The following NCOA1 variants were observed in gnomAD, a reference collection of about 807,000 sequenced individuals.
The protein encoded by NCOA1 is nuclear receptor coactivator 1.
In NCOA1, 35 loss-of-function variants were observed where a neutral mutation model predicts 150.9. That is an observed-to-expected ratio of 0.23 (90% CI 0.18 to 0.31). NCOA1 has a LOEUF of 0.31. NCOA1 is among the 10% of genes least tolerant of loss of function. NCOA1 has a pLI of 1.00. For missense variants in NCOA1, 1,491 were observed against 1,749.3 expected (o/e 0.85, Z 2.63); for synonymous variants, 590 against 630.0 (o/e 0.94, Z 0.95).
intron 6 of NCOA1, among the ~76,000 whole-genome samples, chr2:24,669,899 A>G (rs56045417): frequency 0.15 from 22,747 of 152,242 alleles, 2,061 homozygotes; most frequent in Non-Finnish European, 0.2. Flanking sequence ...GCACTTTGGG[A>G]GGCCAAGGTG....
At chr2:24,631,669 G>A (rs1464165839) in intron 3 of NCOA1, among the ~76,000 whole-genome samples, 3 of 152,148 alleles carry the variant, frequency 2.0e-5, no homozygotes, top group Non-Finnish European at 4.4e-5. Flanking sequence ...ATATCATAAG[G>A]CAATATTTGG....
At chr2:24,548,886 C>T (rs564457181) in intron 1 of NCOA1, among the ~76,000 whole-genome samples, 24 of 152,250 alleles carry the variant, frequency 1.6e-4, no homozygotes, top group South Asian at 2.1e-4. Context: ...CATGGGCTGG[C>T]GTTGAGTGCC....
rs1353977385 is a variant in NCOA1 at position 24,768,630 on chromosome 2, A to G, written c.*239A>G. 1 of 305,040 alleles carries G rather than the reference A, an allele frequency of 3.3e-6. No homozygotes were observed. The highest frequency in any genetic ancestry group is 5.9e-6 in the Non-Finnish European group (1 of 169,002). The allele number at this position is 305,040 out of a possible 1,614,324, so 18.9% of individuals were successfully genotyped here. On this transcript the variant is annotated 3_prime_UTR_variant, in exon 23 of 23. Coordinates refer to ENST00000348332, the MANE Select transcript of NCOA1 (RefSeq NM_003743.5). ...TATTGAAAAAATACCAAGGCAGAACAGTTGGACAATCTATTTCTTGAGCCA... is the reference window on the plus strand; with the variant it reads ...TATTGAAAAAATACCAAGGCAGAACGGTTGGACAATCTATTTCTTGAGCCA...
Position 24,707,579 on chromosome 2 carries a change from C to T in NCOA1, c.2109C>T (p.Thr703=). ...AGGAGGGTAGCCCCTCAGATATCACCACTTTGTCTGTCGAGCCTGATAAAA... is the reference window on the plus strand; with the variant it reads ...AGGAGGGTAGCCCCTCAGATATCACTACTTTGTCTGTCGAGCCTGATAAAA... ...LLQEGSPSDI[T]TLSVEPDKKD... is the part of the protein sequence containing the mutation. Residue 703 remains threonine (T), a synonymous_variant, in exon 13 of 23, where the codon ACC becomes ACT. Transcript: ENST00000348332. The T allele has an allele frequency of 6.2e-7, 1 of 1,614,178 alleles. No individual in the cohort carries two copies. The highest frequency in any genetic ancestry group is 8.5e-7 in the Non-Finnish European group (1 of 1,180,018).
intron 3 of NCOA1, among the ~76,000 whole-genome samples, chr2:24,629,825 T>C (rs1292314018): frequency 2.3e-5 from 3 of 132,796 alleles, no homozygotes; most frequent in Non-Finnish European, 4.6e-5. Flanking sequence ...TACATATATA[T>C]ATATATATAT....
chr2:24,541,246 C>T (rs141337978), intron 1 of NCOA1, among the ~76,000 whole-genome samples: 228 of 152,134 alleles, frequency 1.5e-3, no homozygotes, highest in African/African-American at 5.3e-3. Context: ...TTGAGAGCTA[C>T]GTTGAAGAAG....
chr2:24,585,709 T>G (rs1667372347), intron 3 of NCOA1, among the ~76,000 whole-genome samples: 2 of 152,204 alleles, frequency 1.3e-5, no homozygotes, highest in Non-Finnish European at 2.9e-5. Context: ...ATGTTTCATT[T>G]TTACCAAGAT....
rs1665216385 is a variant in NCOA1 at position 24,769,261 on chromosome 2, C to G, written c.*870C>G. On this transcript the variant is annotated 3_prime_UTR_variant, in exon 23 of 23. Transcript: ENST00000348332. ...TATGATCCAAGTAGCTTATTTTTCC[C>G]TTTAAATCTCATTGTAAATATATTT... The G allele has an allele frequency of 5.3e-6, 1 of 189,110 alleles. No homozygotes were observed. The highest frequency in any genetic ancestry group is 2.3e-5 in the African/African-American group (1 of 42,830). 11.7% of individuals were successfully genotyped at this position (189,110 alleles called of 1,614,324 possible).
At chr2:24,739,640 T>C in intron 18 of NCOA1, 107 bp downstream of exon 18, 1 of 767,702 alleles carries the variant, frequency 1.3e-6, no homozygotes. Context: ...GATCTTTTAA[T>C]GATGTTTGTA....
At chr2:24,610,246 C>T (rs1302739382) in intron 3 of NCOA1, among the ~76,000 whole-genome samples, 1 of 151,542 alleles carries the variant, frequency 6.6e-6, no homozygotes, top group Non-Finnish European at 1.5e-5. Context: ...GCCTCAGCCT[C>T]CCGAATAGCT....
intron 3 of NCOA1, among the ~76,000 whole-genome samples, chr2:24,616,079 G>A (rs1403168688): frequency 6.6e-6 from 1 of 152,114 alleles, no homozygotes; most frequent in African/African-American, 2.4e-5. Flanking sequence ...CTATCAAATA[G>A]CACTTTTTGG....
At chr2:24,538,391 A>T (rs1181683285) in intron 1 of NCOA1, among the ~76,000 whole-genome samples, 2 of 152,216 alleles carry the variant, frequency 1.3e-5, no homozygotes, top group Admixed American at 6.5e-5. Flanking sequence ...ACCTCGAAAG[A>T]CTGGAAAAGC....
chr2:24,546,261 A>G (rs942977195), intron 1 of NCOA1, among the ~76,000 whole-genome samples: 2 of 152,048 alleles, frequency 1.3e-5, no homozygotes, highest in African/African-American at 4.8e-5. Flanking sequence ...TACAAGACAG[A>G]CTAATGAATA....
At chr2:24,657,313 A>G (rs559876689) in intron 4 of NCOA1, among the ~76,000 whole-genome samples, 43 of 152,356 alleles carry the variant, frequency 2.8e-4, no homozygotes, top group Admixed American at 2.5e-3. Flanking sequence ...TTAATCTACA[A>G]TTAGGTATTT....
At chr2:24,568,933 TTTTG>T (rs1222675840) in intron 2 of NCOA1, among the ~76,000 whole-genome samples, 12 of 152,340 alleles carry the variant, frequency 7.9e-5, no homozygotes, top group Non-Finnish European at 1.2e-4. Context: ...GAGTTTTATG[TTTTG>T]TTATTGGTCT....
At chr2:24,627,121 GTT>G (rs33949925) in intron 3 of NCOA1, among the ~76,000 whole-genome samples, 45,866 of 114,672 alleles carry the variant, frequency 0.4, 8,650 homozygotes, top group Admixed American at 0.53. Flanking sequence ...GTTTTTTGCT[GTT>G]TTTTTTTTTT....
chr2:24,546,069 A>G (rs983289265), intron 1 of NCOA1, among the ~76,000 whole-genome samples: 1 of 152,190 alleles, frequency 6.6e-6, no homozygotes, highest in Non-Finnish European at 1.5e-5. Context: ...GATTACAGGC[A>G]TGAGCCACCA....
chr2:24,588,144 G>C (rs987802441), intron 3 of NCOA1, among the ~76,000 whole-genome samples: 3 of 152,006 alleles, frequency 2.0e-5, no homozygotes, highest in African/African-American at 7.3e-5. Context: ...GAGCACAGTA[G>C]TGTGATCATG....
At position 24,707,336 on chromosome 2, in the gene NCOA1, A is replaced by C. The variant is rs141650002; in HGVS notation, c.1866A>C (p.Gly622=). Reference sequence around the variant, plus strand: ...ATAACAATGACAGACTTTCAGATGGAGACAGTAAATACTCTCAAACCAGTC... The same window carrying C: ...ATAACAATGACAGACTTTCAGATGGCGACAGTAAATACTCTCAAACCAGTC... ...LLHNNDRLSD[G]DSKYSQTSHK... Residue 622 remains glycine, a synonymous_variant, in exon 13 of 23, where the codon GGA becomes GGC. Coordinates refer to ENST00000348332, the MANE Select transcript of NCOA1 (RefSeq NM_003743.5). 4 of 1,614,128 alleles carry C rather than the reference A, an allele frequency of 2.5e-6. No individual in the cohort carries two copies. Among genetic ancestry groups the C allele is most frequent in the Non-Finnish European group, 3.4e-6 (4 of 1,180,054 alleles).
Sources: gnomAD v4.1 joint callset for allele counts (sites outside exome capture counted in the v4.1 genomes callset) on GRCh38, gnomAD v4.1.1 for gene constraint, MANE v1.5 for transcripts, NCBI Gene and HGNC (gene_info 2026-07-23, HGNC 2026-07-21) for gene names.